Variants in CD44 observed in about 807,000 individuals in gnomAD.
CD44 encodes the protein CD44 molecule (IN blood group), also known as CD44 antigen.
CD44 carries 49 observed loss-of-function variants against 88.8 expected under a neutral mutation model. The ratio of observed to expected loss-of-function variants is 0.55; its 90% CI spans 0.44 to 0.70. The LOEUF (loss-of-function observed/expected upper bound fraction) is 0.70. Among genes scored for constraint, CD44 ranks in the 30% least tolerant of loss-of-function variants. The pLI is 0.00. For synonymous variants in CD44, 325 were observed against 312.3 expected, an observed-to-expected ratio of 1.04 and a Z score of -0.43; for missense variants, 883 against 913.8, an observed-to-expected ratio of 0.97 and a Z score of 0.43.
Position 35,230,941 on chromosome 11 carries a change from AAAG to A in CD44, c.*1617_*1619del, listed in dbSNP as rs142806428. 9.2e-5 allele frequency: 14 copies of A among 152,922 alleles called. No individual in the cohort carries two copies. In the East Asian group the frequency reaches 2.3e-3, roughly 25 times the overall value. The allele number at this position is 152,922 out of a possible 1,614,324, so 9.5% of individuals were successfully genotyped here. On this transcript the variant is annotated 3_prime_UTR_variant, in exon 18 of 18. Coordinates refer to ENST00000428726, the MANE Select transcript of CD44 (RefSeq NM_000610.4). ...CAATGCTTCTCAGACCACAAAGCAG[AAAG>A]AAGAAGAAAAGCTCCTGACTAAATC...
Position 35,218,484 on chromosome 11 carries a change from A to G in CD44, c.1874-832A>G, listed in dbSNP as rs373019292. 3.3e-5 allele frequency among the ~76,000 whole-genome samples: 5 copies of G among 152,224 alleles called. No homozygotes were observed. The East Asian group carries it at 9.7e-4, about 29-fold the overall frequency. ...GCTGGGACTACAGGCACATGCCACT[A>G]TGCCTGGCTAATTTTTGTATTTTTA... On this transcript the variant is annotated intron_variant, in intron 15 of 17. Transcript: ENST00000428726.
At chr11:35,157,966 C>T (rs1942120892) in intron 1 of CD44, among the ~76,000 whole-genome samples, 1 of 152,188 alleles carries the variant, frequency 6.6e-6, no homozygotes, top group Admixed American at 6.5e-5. Flanking sequence ...CAAGCCTCAT[C>T]AGATCATCCC....
intron 3 of CD44, 52 bp downstream of exon 3, chr11:35,180,459 C>T: frequency 1.2e-6 from 2 of 1,604,984 alleles, no homozygotes; most frequent in Non-Finnish European, 1.7e-6. Context: ...GGAGCCTGGT[C>T]TTTGGAGCTC....
At chr11:35,155,903 C>T (rs923310897) in intron 1 of CD44, among the ~76,000 whole-genome samples, 2 of 152,124 alleles carry the variant, frequency 1.3e-5, no homozygotes, top group African/African-American at 4.8e-5. Flanking sequence ...TCTAAAGCAG[C>T]CCTCATATTA....
chr11:35,189,502 T>G (rs1012768587), intron 4 of CD44, among the ~76,000 whole-genome samples: 11 of 152,254 alleles, frequency 7.2e-5, no homozygotes, highest in Non-Finnish European at 1.5e-4. Flanking sequence ...AATACTGTGC[T>G]GAGCACTTTA....
chr11:35,186,514 C>A (rs896859328), intron 3 of CD44, among the ~76,000 whole-genome samples: 1 of 151,162 alleles, frequency 6.6e-6, no homozygotes, highest in Non-Finnish European at 1.5e-5. Context: ...GAGAAGGAGC[C>A]GTGTCTATCT....
intron 4 of CD44, among the ~76,000 whole-genome samples, chr11:35,188,062 G>A (rs1945869399): frequency 1.3e-5 from 2 of 152,164 alleles, no homozygotes; most frequent in South Asian, 4.1e-4. Context: ...TAGGCTAACT[G>A]CTAACCCTGA....
chr11:35,144,901 T>C (rs1390945151), intron 1 of CD44, among the ~76,000 whole-genome samples: 3 of 152,256 alleles, frequency 2.0e-5, no homozygotes, highest in African/African-American at 7.2e-5. Flanking sequence ...TAAATTAATG[T>C]TTGATTCAGG....
At chr11:35,176,285 G>A (rs1490244206) in intron 1 of CD44, among the ~76,000 whole-genome samples, 2 of 151,510 alleles carry the variant, frequency 1.3e-5, no homozygotes, top group South Asian at 2.1e-4. Flanking sequence ...CTTGTGATCC[G>A]CCCGCCTCGG....
chr11:35,174,699 A>G (rs573587542), intron 1 of CD44, among the ~76,000 whole-genome samples: 1 of 152,366 alleles, frequency 6.6e-6, no homozygotes, highest in South Asian at 2.1e-4. Flanking sequence ...GATAGCAGTT[A>G]GGCTTCATTT....
chr11:35,219,864 AT>A (rs11323103), intron 16 of CD44, among the ~76,000 whole-genome samples: 25,569 of 151,714 alleles, frequency 0.17, 2,215 homozygotes, highest in Admixed American at 0.2. Flanking sequence ...TCCCCAACTA[AT>A]TTTTTTTTGG....
chr11:35,215,330 G>T lies in CD44; in HGVS notation c.1873+416G>T, dbSNP rs561391319. Among the ~76,000 whole-genome samples the T allele has an allele frequency of 5.9e-5, 9 of 152,244 alleles. No homozygotes were observed. In the South Asian group the frequency reaches 1.7e-3, roughly 28 times the overall value. ...GGCCTGAGTTCGATTCCAGCCCTCC[G>T]CATATTAACTGAGCAAGATGCTTTA... is the stretch of plus-strand genomic sequence containing the variant. On this transcript the variant is annotated intron_variant, in intron 15 of 17. Transcript: ENST00000428726.
Position 35,192,810 on chromosome 11 carries a change from T to C in CD44, c.667+2745T>C, listed in dbSNP as rs1049030943. Among the ~76,000 whole-genome samples the C allele has an allele frequency of 1.6e-4, 18 of 113,882 alleles. No individual in the cohort carries two copies. The South Asian group carries it at 2.5e-3, about 16-fold the overall frequency. 74.7% of individuals were successfully genotyped at this position (113,882 alleles called of 152,430 possible). A position where few individuals can be genotyped will look rare whatever the true frequency, so the allele number is the denominator to read the frequency against. On this transcript the variant is annotated intron_variant, in intron 5 of 17. Coordinates refer to ENST00000428726, the MANE Select transcript of CD44 (RefSeq NM_000610.4). ...TCTTTCTTTTTTTTTTTTTTTTTTT[T>C]CAGATCTGGTATGGCCTATTTGGGT...
rs111990873 is a variant in CD44 at position 35,186,820 on chromosome 11, C to T, written c.368-12C>T. 10 of 1,568,546 alleles carry T rather than the reference C, an allele frequency of 6.4e-6. No individual in the cohort carries two copies. In the South Asian group the frequency reaches 1.0e-4, roughly 16 times the overall value. On this transcript the variant is annotated splice_polypyrimidine_tract_variant and intron_variant, in intron 3 of 17. Coordinates refer to ENST00000428726, the MANE Select transcript of CD44 (RefSeq NM_000610.4). Reference sequence around the variant, plus strand: ...TTTAAAGGGTTCTCATCCTTTTTTTCCTACCTCATAGCTCCACCTGAAGAA... The same window carrying T: ...TTTAAAGGGTTCTCATCCTTTTTTTTCTACCTCATAGCTCCACCTGAAGAA...
chr11:35,178,600 C>G (rs1368702251), intron 2 of CD44, among the ~76,000 whole-genome samples: 1 of 152,182 alleles, frequency 6.6e-6, no homozygotes, highest in Non-Finnish European at 1.5e-5. Context: ...GTAACTTACT[C>G]ATGCCACATA....
chr11:35,209,225 G>T (rs1334232673), intron 12 of CD44, among the ~76,000 whole-genome samples: 2 of 152,108 alleles, frequency 1.3e-5, no homozygotes, highest in Non-Finnish European at 1.5e-5. Context: ...GAACACAAAA[G>T]AAATAAACTT....
chr11:35,193,574 G>A (rs951122257), intron 5 of CD44, among the ~76,000 whole-genome samples: 4 of 152,296 alleles, frequency 2.6e-5, no homozygotes, highest in African/African-American at 9.6e-5. Flanking sequence ...GATTTTCAAA[G>A]GGATATATAA....
rs201917189 is a variant in CD44, at chr11:35,204,576, C to T, written c.1218C>T (p.Asn406=). 2 of 1,613,066 alleles carry T rather than the reference C, an allele frequency of 1.2e-6. No individual in the cohort carries two copies. The highest frequency in any genetic ancestry group is 2.7e-5 in the African/African-American group (2 of 74,994). Residue 406 remains asparagine, a synonymous_variant, in exon 10 of 18, where the codon AAC becomes AAT. Transcript: ENST00000428726. ...TATQKEQWFG[N]RWHEGYRQTP... ...CCCAGAAGGAACAGTGGTTTGGCAACAGATGGCATGAGGGATATCGCCAAA... is the reference window on the plus strand; with the variant it reads ...CCCAGAAGGAACAGTGGTTTGGCAATAGATGGCATGAGGGATATCGCCAAA...
At position 35,221,658 on chromosome 11, in the gene CD44, G is replaced by T; in HGVS notation, c.1950G>T (p.Trp650Cys). The change falls in exon 17 of 18, where the codon TGG becomes TGT. Residue 650 changes from tryptophan to cysteine, a missense_variant. By Grantham distance (215) the Trp-to-Cys change is radical. Around this residue, in one of 2 missense-constraint regions of CD44, gnomAD observed 631 missense variants for 590.9 expected, o/e 1.07. Transcript: ENST00000428726. ...GPIRTPQIPE[W>C]LIILASLLAL... is the part of the protein sequence containing the mutation. The stretch of plus-strand genomic sequence containing the variant: ...CATTTAATTTACTCATACCAGAATG[G>T]CTGATCATCTTGGCATCCCTCTTGG... 1.2e-6 allele frequency: 2 copies of T among 1,613,712 alleles called. No homozygotes were observed. The highest frequency in any genetic ancestry group is 1.1e-5 in the South Asian group (1 of 91,080).
Sources: gnomAD v4.1 joint callset for allele counts (sites outside exome capture counted in the v4.1 genomes callset) on GRCh38, gnomAD v4.1.1 for gene constraint, gnomAD v4.1.1 regional missense constraint, MANE v1.5 for transcripts, NCBI Gene and HGNC (gene_info 2026-07-23, HGNC 2026-07-21) for gene names.